FAM163A: variants seen among roughly 807,000 people sequenced by gnomAD.
FAM163A encodes protein FAM163A.
Under a neutral mutation model 12.0 loss-of-function variants are expected in FAM163A, and 7 were observed. The ratio of observed to expected loss-of-function variants is 0.58; its 90% CI spans 0.33 to 1.10. FAM163A has a LOEUF of 1.10. Among genes scored for constraint, FAM163A ranks in the 50% least tolerant of loss-of-function variants. The pLI, the probability that FAM163A is intolerant of heterozygous loss-of-function variation, is 0.03. For synonymous variants in FAM163A, 101 were observed against 91.0 expected (o/e 1.11, Z -0.62); for missense variants, 202 against 218.6 (o/e 0.92, Z 0.48).
chr1:179,744,009 C>T (rs1684055341), intron 1 of FAM163A, among the ~76,000 whole-genome samples: 1 of 152,166 alleles, frequency 6.6e-6, no homozygotes, highest in African/African-American at 2.4e-5. Context: ...GGATTCGTGC[C>T]GGCAACTGTG....
intron 1 of FAM163A, among the ~76,000 whole-genome samples, chr1:179,745,679 G>T (rs922183894): frequency 2.6e-5 from 4 of 152,186 alleles, no homozygotes; most frequent in African/African-American, 9.7e-5. Context: ...CATTTATTAA[G>T]TACCTGCTAT....
rs373328049 is a variant in FAM163A at position 179,749,670 on chromosome 1, GGT to G, written c.-136+6249_-136+6250del. On this transcript the variant is annotated intron_variant, in intron 1 of 4. Transcript: ENST00000341785. Reference sequence around the variant, plus strand: ...AGTTCGAGACCAGTCTGGCCAACATGGTGAAACTGAAACCCCACCTCTACTAA... The same window carrying G: ...AGTTCGAGACCAGTCTGGCCAACATGGAAACTGAAACCCCACCTCTACTAA... Among the ~76,000 whole-genome samples the G allele has an allele frequency of 9.3e-4, 141 of 150,840 alleles. 4 individuals carry two copies. In the East Asian group the frequency reaches 0.024, roughly 26 times the overall value.
At chr1:179,791,994 G>A (rs1204872965) in intron 1 of FAM163A, among the ~76,000 whole-genome samples, 1 of 152,166 alleles carries the variant, frequency 6.6e-6, no homozygotes, top group Non-Finnish European at 1.5e-5. Flanking sequence ...GGCTCACTCT[G>A]CCAGGCAATG....
intron 1 of FAM163A, among the ~76,000 whole-genome samples, chr1:179,790,892 G>A (rs1393521438): frequency 6.6e-6 from 1 of 152,166 alleles, no homozygotes; most frequent in African/African-American, 2.4e-5. Flanking sequence ...CCAAAACCCG[G>A]AATATTCTTA....
At chr1:179,778,963 G>A (rs892456673) in intron 1 of FAM163A, among the ~76,000 whole-genome samples, 2 of 152,176 alleles carry the variant, frequency 1.3e-5, no homozygotes, top group Admixed American at 1.3e-4. Flanking sequence ...GAAGGCTGAC[G>A]CAGCAAGGCA....
chr1:179,774,918 G>C (rs1168972640), intron 1 of FAM163A, among the ~76,000 whole-genome samples: 1 of 152,178 alleles, frequency 6.6e-6, no homozygotes, highest in Non-Finnish European at 1.5e-5. Flanking sequence ...ACCGGTAGCA[G>C]GTCTTGACTG....
In FAM163A at chr1:179,788,885, G is replaced by A. The variant is rs10913891; in HGVS notation, c.-135-18913G>A. Among the ~76,000 whole-genome samples the A allele has an allele frequency of 2.5e-3, 374 of 152,290 alleles. 2 individuals carry two copies. The highest frequency in any genetic ancestry group is 8.1e-3 in the African/African-American group (338 of 41,544). The stretch of plus-strand genomic sequence containing the variant: ...TCACCAGGTGGGGTGTTTACCTGGC[G>A]CAGAGAATTGCCGCCGTCTATGTGC... On this transcript the variant is annotated intron_variant, in intron 1 of 4. Transcript: ENST00000341785.
intron 1 of FAM163A, among the ~76,000 whole-genome samples, chr1:179,795,355 T>G (rs538155610): frequency 2.0e-5 from 3 of 152,224 alleles, no homozygotes; most frequent in Non-Finnish European, 4.4e-5. Flanking sequence ...GTGCTGGAAA[T>G]TTAATTGCCG....
chr1:179,795,891 C>T (rs1692224579), intron 1 of FAM163A, among the ~76,000 whole-genome samples: 1 of 151,534 alleles, frequency 6.6e-6, no homozygotes, highest in South Asian at 2.1e-4. Flanking sequence ...GTTGGCCATT[C>T]ATAACTGATT....
At chr1:179,795,898 G>A (rs1341598280) in intron 1 of FAM163A, among the ~76,000 whole-genome samples, 1 of 150,896 alleles carries the variant, frequency 6.6e-6, no homozygotes, top group Non-Finnish European at 1.5e-5. Flanking sequence ...ATTCATAACT[G>A]ATTTACATTT....
chr1:179,760,273 T>C (rs754842607), intron 1 of FAM163A, among the ~76,000 whole-genome samples: 27 of 152,178 alleles, frequency 1.8e-4, no homozygotes, highest in Non-Finnish European at 3.1e-4. Flanking sequence ...CTTTACTTTA[T>C]TCAGTAGCAT....
chr1:179,754,343 C>G (rs1470145459), intron 1 of FAM163A, among the ~76,000 whole-genome samples: 2 of 152,114 alleles, frequency 1.3e-5, no homozygotes, highest in Non-Finnish European at 2.9e-5. Flanking sequence ...TTCCTCCAAT[C>G]CTTTCATAAT....
chr1:179,807,364 CGT>C (rs1314088221), intron 1 of FAM163A, among the ~76,000 whole-genome samples: 11 of 152,016 alleles, frequency 7.2e-5, no homozygotes. Context: ...CCCGGGAAAC[CGT>C]GGGAAAGGGG....
intron 1 of FAM163A, among the ~76,000 whole-genome samples, chr1:179,757,672 C>A (rs1054622964): frequency 1.3e-5 from 2 of 152,010 alleles, no homozygotes; most frequent in Non-Finnish European, 2.9e-5. Flanking sequence ...ATTAGCCAGG[C>A]GTGGTGGCAC....
At chr1:179,751,185 C>A (rs939612865) in intron 1 of FAM163A, among the ~76,000 whole-genome samples, 2 of 152,116 alleles carry the variant, frequency 1.3e-5, no homozygotes, top group Non-Finnish European at 2.9e-5. Context: ...TGTTAGTCAT[C>A]AACATCTAGG....
upstream of FAM163A, among the ~76,000 whole-genome samples, chr1:179,739,907 C>A (rs1232426149): frequency 3.3e-5 from 5 of 152,198 alleles, no homozygotes; most frequent in Admixed American, 3.3e-4. Flanking sequence ...ATATTGACAA[C>A]ACCAAATCCT....
Position 179,769,728 on chromosome 1 carries a change from G to C in FAM163A, c.-136+26305G>C, listed in dbSNP as rs147051718. Among the ~76,000 whole-genome samples the C allele has an allele frequency of 1.3e-5, 2 of 152,106 alleles. 1 individual carries two copies. Among genetic ancestry groups the C allele is most frequent in the East Asian group, 3.9e-4 (2 of 5,186 alleles). ...CTGAGCTTTGTCCATGGAGCAGGCCGTGCTCTGGGATCAGGCCTTCCATCC... is the reference window on the plus strand; with the variant it reads ...CTGAGCTTTGTCCATGGAGCAGGCCCTGCTCTGGGATCAGGCCTTCCATCC... On this transcript the variant is annotated intron_variant, in intron 1 of 4. Coordinates refer to ENST00000341785, the MANE Select transcript of FAM163A (RefSeq NM_173509.3).
chr1:179,779,549 A>G (rs1316447964), intron 1 of FAM163A, among the ~76,000 whole-genome samples: 1 of 152,244 alleles, frequency 6.6e-6, no homozygotes, highest in East Asian at 1.9e-4. Context: ...GAAAGAGCTC[A>G]GGCAGTGACA....
At chr1:179,798,556 C>T (rs566717834) in intron 1 of FAM163A, among the ~76,000 whole-genome samples, 1 of 152,388 alleles carries the variant, frequency 6.6e-6, no homozygotes, top group Non-Finnish European at 1.5e-5. Context: ...CACTTTTGCC[C>T]ATCTTAGAAT....
Sources: gnomAD v4.1 joint callset for allele counts (sites outside exome capture counted in the v4.1 genomes callset) on GRCh38, gnomAD v4.1.1 for gene constraint, MANE v1.5 for transcripts, NCBI Gene and HGNC (gene_info 2026-07-23, HGNC 2026-07-21) for gene names.